Variants in GYS2 observed in about 807,000 individuals in gnomAD.
GYS2 encodes glycogen synthase 2.
GYS2 carries 80 observed loss-of-function variants against 85.6 expected under a neutral mutation model. The ratio of observed to expected loss-of-function variants is 0.93; its 90% CI spans 0.78 to 1.13. The LOEUF is 1.13. GYS2 is among the 50% of genes most tolerant of loss of function. The pLI, the probability that GYS2 is intolerant of heterozygous loss-of-function variation, is 0.00. For missense variants in GYS2, 881 were observed against 854.9 expected (o/e 1.03, Z -0.38); for synonymous variants, 328 against 300.7 (o/e 1.09, Z -0.94).
At chr12:21,537,247 T>A in intron 15 of GYS2, 72 bp from the exon 16 acceptor site, 1 of 1,021,762 alleles carries the variant, frequency 9.8e-7, no homozygotes, top group Non-Finnish European at 1.5e-6. Flanking sequence ...ATACTATGCA[T>A]GCACTATCAA....
intron 11 of GYS2, among the ~76,000 whole-genome samples, chr12:21,554,851 G>A (rs981873348): frequency 1.3e-5 from 2 of 152,170 alleles, no homozygotes; most frequent in Non-Finnish European, 2.9e-5. Flanking sequence ...TTGTTTCACT[G>A]ATGCAAAACA....
At chr12:21,575,693 C>G (rs1944436917) in intron 3 of GYS2, among the ~76,000 whole-genome samples, 173 bp downstream of exon 3, 1 of 152,028 alleles carries the variant, frequency 6.6e-6, no homozygotes, top group Non-Finnish European at 1.5e-5. Flanking sequence ...TTACGCTATT[C>G]CATTTAATTT....
intron 8 of GYS2, 47 bp downstream of exon 8, chr12:21,560,339 T>C (rs768757456): frequency 7.7e-6 from 8 of 1,033,380 alleles, no homozygotes; most frequent in Non-Finnish European, 1.2e-5. Context: ...TTAAAAGAAA[T>C]CTTTTCACAT....
At chr12:21,555,019 G>A (rs1052776618) in intron 11 of GYS2, among the ~76,000 whole-genome samples, 1 of 152,048 alleles carries the variant, frequency 6.6e-6, no homozygotes. Context: ...CCTCCCTTCT[G>A]TCTGCATGTA....
chr12:21,572,074 G>A (rs191490967), intron 4 of GYS2, among the ~76,000 whole-genome samples: 1 of 152,292 alleles, frequency 6.6e-6, no homozygotes, highest in Admixed American at 6.5e-5. Flanking sequence ...AGTCATTAGA[G>A]TCGAGAGGAT....
At chr12:21,533,355 C>A (rs1451035366), downstream of GYS2, among the ~76,000 whole-genome samples, 1 of 152,158 alleles carries the variant, frequency 6.6e-6, no homozygotes, top group African/African-American at 2.4e-5. Flanking sequence ...TGCATTTCTT[C>A]TTTACCTGGT....
intron 11 of GYS2, among the ~76,000 whole-genome samples, chr12:21,554,522 C>T (rs1254288245): frequency 6.6e-6 from 1 of 151,810 alleles, no homozygotes; most frequent in Non-Finnish European, 1.5e-5. Flanking sequence ...TGATTGCTGC[C>T]TCAAATAACT....
At chr12:21,593,896 T>C (rs1184058805) in intron 1 of GYS2, among the ~76,000 whole-genome samples, 2 of 151,950 alleles carry the variant, frequency 1.3e-5, no homozygotes, top group South Asian at 2.1e-4. Context: ...CAACAGTACA[T>C]CCAAAAGATA....
intron 4 of GYS2, among the ~76,000 whole-genome samples, chr12:21,572,644 G>T (rs1022539702): frequency 6.6e-6 from 1 of 152,060 alleles, no homozygotes; most frequent in African/African-American, 2.4e-5. Flanking sequence ...CTCAACCAGT[G>T]AAGGGCTTTA....
At chr12:21,587,589 C>T (rs1019060195) in intron 1 of GYS2, among the ~76,000 whole-genome samples, 6 of 152,044 alleles carry the variant, frequency 3.9e-5, no homozygotes, top group South Asian at 2.1e-4. Flanking sequence ...GTAAGTTTCC[C>T]GAGGCCTCCC....
chr12:21,563,081 A>C, intron 6 of GYS2, 43 bp from the exon 7 acceptor site: 1 of 1,427,854 alleles, frequency 7.0e-7, no homozygotes, highest in Non-Finnish European at 9.9e-7. Context: ...GAAATACAGC[A>C]ACAGTAACAA....
intron 1 of GYS2, among the ~76,000 whole-genome samples, chr12:21,591,150 C>T (rs1944634288): frequency 6.6e-6 from 1 of 151,806 alleles, no homozygotes; most frequent in Non-Finnish European, 1.5e-5. Flanking sequence ...AAAAAAAAGA[C>T]ATTTATAAAA....
chr12:21,602,468 T>C (rs1944765662), intron 1 of GYS2, among the ~76,000 whole-genome samples: 1 of 151,970 alleles, frequency 6.6e-6, no homozygotes, highest in Admixed American at 6.6e-5. Flanking sequence ...GAAACTATAG[T>C]GGCAATGTAT....
chr12:21,560,861 G>C (rs146175412), intron 7 of GYS2, among the ~76,000 whole-genome samples: 1 of 152,188 alleles, frequency 6.6e-6, no homozygotes, highest in East Asian at 1.9e-4. Context: ...GCATGAATGA[G>C]AGCTAATATT....
intron 1 of GYS2, among the ~76,000 whole-genome samples, chr12:21,600,210 A>G (rs1328768644): frequency 1.3e-5 from 2 of 152,078 alleles, no homozygotes; most frequent in African/African-American, 4.8e-5. Flanking sequence ...CCTCACTAGA[A>G]CGCCTGGATT....
chr12:21,542,645 T>C, intron 12 of GYS2, 54 bp from the exon 13 acceptor site: 1 of 1,176,522 alleles, frequency 8.5e-7, no homozygotes, highest in Admixed American at 1.7e-5. Flanking sequence ...TATATCCTTG[T>C]ATGCACTCAG....
chr12:21,570,754 C>A (rs1031126209), intron 4 of GYS2, among the ~76,000 whole-genome samples: 1 of 152,184 alleles, frequency 6.6e-6, no homozygotes, highest in Non-Finnish European at 1.5e-5. Context: ...GGCCAGATCA[C>A]TGAAATCCCT....
intron 1 of GYS2, among the ~76,000 whole-genome samples, chr12:21,587,319 T>G (rs1363752601): frequency 6.6e-6 from 1 of 152,154 alleles, no homozygotes; most frequent in Non-Finnish European, 1.5e-5. Context: ...AACCCGAGCT[T>G]GTACCCTGAT....
intron 1 of GYS2, among the ~76,000 whole-genome samples, chr12:21,587,782 T>C (rs1944591054): frequency 6.6e-6 from 1 of 152,040 alleles, no homozygotes; most frequent in African/African-American, 2.4e-5. Flanking sequence ...GCAAGCAAAA[T>C]ATCACTTAAT....
Sources: allele counts gnomAD v4.1 joint callset (sites outside exome capture counted in the v4.1 genomes callset), GRCh38; gene constraint gnomAD v4.1.1; transcripts MANE v1.5; gene names NCBI Gene and HGNC (gene_info 2026-07-23, HGNC 2026-07-21).